LOC128462377: variants seen among roughly 807,000 people sequenced by gnomAD.
At chr16:89,391,159 C>T in the LOC128462377 span, among the ~76,000 whole-genome samples, 6 of 146,992 alleles carry the variant, frequency 4.1e-5, no homozygotes, top group East Asian at 1.0e-3. Flanking sequence ...ACCCGGAAGG[C>T]GGAGCTTGCA....
At chr16:89,418,261 T>C in the LOC128462377 span, 9 of 452,882 alleles carry the variant, frequency 2.0e-5, no homozygotes, top group African/African-American at 1.0e-4. Flanking sequence ...CATAAATTGA[T>C]AGAGAATGCA....
At chr16:89,377,458 C>T in the LOC128462377 span, among the ~76,000 whole-genome samples, 3 of 150,904 alleles carry the variant, frequency 2.0e-5, no homozygotes, top group African/African-American at 4.9e-5. Flanking sequence ...CATGAAGAGA[C>T]TGCGGACATG....
chr16:89,414,352 A>G, the LOC128462377 span, among the ~76,000 whole-genome samples: 87,830 of 151,884 alleles, frequency 0.58, 25,600 homozygotes, highest in Middle Eastern at 0.73. Flanking sequence ...CACATGTTGC[A>G]AGGGTCAGCA....
chr16:89,327,080 T>TGGGAAA, the LOC128462377 span, among the ~76,000 whole-genome samples: 19 of 142,634 alleles, frequency 1.3e-4, no homozygotes, highest in East Asian at 4.1e-4. Flanking sequence ...AATGCAGAGG[T>TGGGAAA]TGGAAATGCA....
the LOC128462377 span, among the ~76,000 whole-genome samples, chr16:89,375,238 C>T: frequency 2.6e-5 from 4 of 152,104 alleles, no homozygotes; most frequent in Admixed American, 6.5e-5. Flanking sequence ...TGACACTAAT[C>T]GTCTCCGCGT....
chr16:89,374,564 T>G, the LOC128462377 span, among the ~76,000 whole-genome samples: 1 of 152,230 alleles, frequency 6.6e-6, no homozygotes, highest in Non-Finnish European at 1.5e-5. Flanking sequence ...AGCTACACTC[T>G]GTCCTATGCT....
At chr16:89,320,482 G>A in the LOC128462377 span, 8 of 152,274 alleles carry the variant, frequency 5.3e-5, no homozygotes, top group African/African-American at 1.9e-4. Flanking sequence ...GCCGCGGGAA[G>A]GTAAACGCAG....
At chr16:89,375,253 A>G in the LOC128462377 span, among the ~76,000 whole-genome samples, 1 of 152,166 alleles carries the variant, frequency 6.6e-6, no homozygotes, top group African/African-American at 2.4e-5. Flanking sequence ...CCGCGTGAGC[A>G]GCTGGTCTCT....
the LOC128462377 span, chr16:89,339,974 T>C: frequency 6.6e-6 from 1 of 152,336 alleles, no homozygotes; most frequent in Non-Finnish European, 1.5e-5. Flanking sequence ...GGGGTCTATC[T>C]GTGTGGATAC....
the LOC128462377 span, among the ~76,000 whole-genome samples, chr16:89,333,802 T>C: frequency 6.6e-6 from 1 of 152,076 alleles, no homozygotes; most frequent in Non-Finnish European, 1.5e-5. Flanking sequence ...AGTGAAATAA[T>C]ACAGAACAGG....
At chr16:89,398,552 T>TA in the LOC128462377 span, among the ~76,000 whole-genome samples, 4 of 151,994 alleles carry the variant, frequency 2.6e-5, no homozygotes, top group Non-Finnish European at 5.9e-5. Context: ...CCCCATCTCT[T>TA]AAAAAAAATT....
the LOC128462377 span, chr16:89,339,740 T>A: frequency 6.6e-6 from 1 of 152,196 alleles, no homozygotes; most frequent in African/African-American, 2.4e-5. Context: ...GCTTTAGAAT[T>A]CTAACATTTA....
the LOC128462377 span, among the ~76,000 whole-genome samples, chr16:89,410,526 GC>G: frequency 5.9e-5 from 9 of 152,212 alleles, 1 homozygote; most frequent in East Asian, 1.2e-3. Flanking sequence ...GGAAACACCT[GC>G]CCCCGGGCTA....
the LOC128462377 span, among the ~76,000 whole-genome samples, chr16:89,375,080 G>C: frequency 6.6e-6 from 1 of 151,974 alleles, no homozygotes; most frequent in Non-Finnish European, 1.5e-5. Context: ...AGAGGGAAAC[G>C]TAAACAAACG....
chr16:89,409,870 C>T, the LOC128462377 span, among the ~76,000 whole-genome samples: 10 of 142,768 alleles, frequency 7.0e-5, no homozygotes, highest in Admixed American at 5.4e-4. Context: ...ATGGGAGTCT[C>T]GCTCTGTCGC....
At chr16:89,354,692 G>C in the LOC128462377 span, among the ~76,000 whole-genome samples, 1 of 152,196 alleles carries the variant, frequency 6.6e-6, no homozygotes, top group Non-Finnish European at 1.5e-5. Context: ...GACCAGCCTG[G>C]CTAACACGGT....
the LOC128462377 span, among the ~76,000 whole-genome samples, chr16:89,335,419 G>C: frequency 1.3e-5 from 2 of 152,174 alleles, no homozygotes; most frequent in African/African-American, 2.4e-5. Flanking sequence ...CTGCATTCAG[G>C]GGTCTCTGCC....
At chr16:89,380,031 G>C in the LOC128462377 span, among the ~76,000 whole-genome samples, 1 of 152,260 alleles carries the variant, frequency 6.6e-6, no homozygotes, top group African/African-American at 2.4e-5. Flanking sequence ...AAGTATCAAT[G>C]GGTATATATG....
At chr16:89,397,431 C>T in the LOC128462377 span, among the ~76,000 whole-genome samples, 7 of 152,214 alleles carry the variant, frequency 4.6e-5, no homozygotes, top group Admixed American at 2.0e-4. Flanking sequence ...CTCCCAGCGC[C>T]GTACCACTCC....
Sources: gnomAD v4.1 joint callset for allele counts (sites outside exome capture counted in the v4.1 genomes callset) on GRCh38, gnomAD v4.1.1 for gene constraint, MANE v1.5 for transcripts.